ODAD2: variants seen among roughly 807,000 people sequenced by gnomAD.
The protein encoded by ODAD2 is outer dynein arm-docking complex subunit 2.
In ODAD2, 89 loss-of-function variants were observed where a neutral mutation model predicts 106.8. The observed-to-expected ratio is 0.83, with a 90% CI of 0.70 to 0.99. ODAD2 has a LOEUF of 0.99. ODAD2 is among the 50% of genes least tolerant of loss of function. The probability of loss-of-function intolerance (pLI) is 0.00; values close to 1 mark genes in which losing one functional copy is unlikely to be tolerated. For missense variants in ODAD2, 1,168 were observed against 1,238.5 expected (o/e 0.94, Z 0.85); for synonymous variants, 404 against 436.2 (o/e 0.93, Z 0.92).
chr10:27,944,948 T>C lies in ODAD2; in HGVS notation c.1401A>G (p.Thr467=). Residue 467 remains threonine, a synonymous_variant, in exon 11 of 20, where the codon ACA becomes ACG. Transcript: ENST00000305242. The part of the protein sequence containing the change: ...LVKYLKGGNQ[T]ATVIALCSMR... The stretch of plus-strand genomic sequence containing the variant: ...TTGAACACAACGCAATCACTGTAGC[T>C]GTTTGATTTCCTCCCTACAAAGATG... 1.2e-6 allele frequency: 2 copies of C among 1,614,164 alleles called. No homozygotes were observed. The highest frequency in any genetic ancestry group is 2.2e-5 in the South Asian group (2 of 91,074).
In ODAD2 at chr10:27,859,346, T is replaced by C. The variant is rs115476225; in HGVS notation, c.3021+1279A>G. ...TAAAAACAGATTTATAATGGAAAGG[T>C]TGACACATTCAAACATATATTGAGT... On this transcript the variant is annotated intron_variant, in intron 19 of 19. Coordinates refer to ENST00000305242, the MANE Select transcript of ODAD2 (RefSeq NM_018076.5). 7.9e-3 allele frequency among the ~76,000 whole-genome samples: 1,197 copies of C among 152,284 alleles called. 13 individuals carry two copies. Among genetic ancestry groups the C allele is most frequent in the African/African-American group, 0.027 (1,140 of 41,568 alleles).
chr10:27,925,176 A>G (rs377050064), intron 16 of ODAD2, among the ~76,000 whole-genome samples: 2 of 152,110 alleles, frequency 1.3e-5, no homozygotes, highest in South Asian at 2.1e-4. Context: ...AAAACAGTAC[A>G]CTATGACTAA....
intron 17 of ODAD2, among the ~76,000 whole-genome samples, chr10:27,895,461 T>G (rs939772647): frequency 3.9e-5 from 6 of 152,188 alleles, no homozygotes; most frequent in Non-Finnish European, 8.8e-5. Context: ...CTAATTTTTG[T>G]ATTTTTAGTA....
chr10:27,868,488 G>T (rs1394570163), intron 17 of ODAD2, among the ~76,000 whole-genome samples: 1 of 152,078 alleles, frequency 6.6e-6, no homozygotes, highest in Non-Finnish European at 1.5e-5. Context: ...ACACCATGGA[G>T]TATTATGCAG....
chr10:27,936,330 T>A (rs57483828), intron 15 of ODAD2, among the ~76,000 whole-genome samples: 2 of 152,138 alleles, frequency 1.3e-5, no homozygotes, highest in Non-Finnish European at 2.9e-5. Flanking sequence ...TGACATTTAG[T>A]TGATTCATCT....
chr10:27,832,505 C>T (rs1589775413), intron 19 of ODAD2, among the ~76,000 whole-genome samples: 1 of 151,940 alleles, frequency 6.6e-6, no homozygotes, highest in South Asian at 2.1e-4. Flanking sequence ...CTCAACTTTC[C>T]CCCCACCCAT....
At chr10:27,839,436 G>A (rs555310272) in intron 19 of ODAD2, among the ~76,000 whole-genome samples, 1 of 152,302 alleles carries the variant, frequency 6.6e-6, no homozygotes, top group South Asian at 2.1e-4. Flanking sequence ...AAAAGCAAAA[G>A]ATGAGGGGTG....
intron 19 of ODAD2, among the ~76,000 whole-genome samples, chr10:27,818,800 A>G (rs1276258250): frequency 6.6e-6 from 1 of 152,156 alleles, no homozygotes; most frequent in Non-Finnish European, 1.5e-5. Context: ...GAAAGAAGTG[A>G]AATAAAGTCC....
chr10:27,876,232 C>A (rs924504432), intron 17 of ODAD2, among the ~76,000 whole-genome samples: 1 of 152,136 alleles, frequency 6.6e-6, no homozygotes, highest in African/African-American at 2.4e-5. Flanking sequence ...GATCTGAGAA[C>A]GGACAGACTG....
rs553623329 is a variant in ODAD2, at chr10:27,860,803, C to T, written c.2843G>A (p.Arg948His). ...TCTATTCCTGCCCCACATACAGCAA[C>T]GTGAAATAGCTTCTGCTAGATGATG... ...LRHHLAEAIS[R>H]CCMWGRNRVA... is the part of the protein sequence containing the mutation. Residue 948 changes from arginine (R) to histidine (H), a missense_variant, in exon 19 of 20, where the codon CGT becomes CAT. Around this residue, in one of 3 missense-constraint regions of ODAD2, gnomAD observed 701 missense variants for 712.3 expected, o/e 0.98. Transcript: ENST00000305242. 21 of 1,614,128 alleles carry T rather than the reference C, an allele frequency of 1.3e-5. No individual in the cohort carries two copies. The highest frequency in any genetic ancestry group is 6.6e-5 in the South Asian group (6 of 91,080).
intron 19 of ODAD2, among the ~76,000 whole-genome samples, chr10:27,860,302 A>C (rs1003264602): frequency 6.6e-6 from 1 of 151,994 alleles, no homozygotes; most frequent in African/African-American, 2.4e-5. Flanking sequence ...AAATTAAAAG[A>C]ATTAGCCAGG....
At chr10:27,904,846 A>C (rs1261671579) in intron 17 of ODAD2, among the ~76,000 whole-genome samples, 1 of 152,260 alleles carries the variant, frequency 6.6e-6, no homozygotes, top group Non-Finnish European at 1.5e-5. Context: ...GGGAATGGGC[A>C]TCTTGATGAT....
At chr10:27,926,320 C>T (rs1170222084) in intron 16 of ODAD2, among the ~76,000 whole-genome samples, 3 of 151,076 alleles carry the variant, frequency 2.0e-5, no homozygotes, top group East Asian at 1.9e-4. Flanking sequence ...TGTAAAGTAG[C>T]GGGATATAGA....
Position 27,971,331 on chromosome 10 carries a change from G to C in ODAD2, c.937-18C>G. ...CTAATTCCCTTTATTTAAAAAATGA[G>C]AATAATTTTTAATGATATCTGAATT... On this transcript the variant is annotated intron_variant, in intron 7 of 19. Transcript: ENST00000305242. 1 of 1,559,206 alleles carries C rather than the reference G, an allele frequency of 6.4e-7. No individual in the cohort carries two copies. Among genetic ancestry groups the C allele is most frequent in the Non-Finnish European group, 8.7e-7 (1 of 1,153,158 alleles).
At chr10:27,847,047 G>T (rs1838826023) in intron 19 of ODAD2, among the ~76,000 whole-genome samples, 1 of 152,164 alleles carries the variant, frequency 6.6e-6, no homozygotes, top group South Asian at 2.1e-4. Flanking sequence ...AATAGAAAAA[G>T]AGGGAATCCT....
At position 27,827,379 on chromosome 10, in the gene ODAD2, C is replaced by CTATATATATATATATA. The variant is rs10580710; in HGVS notation, c.3022-14770_3022-14755dup. Among the ~76,000 whole-genome samples, 73 of 132,428 alleles carry CTATATATATATATATA rather than the reference C, an allele frequency of 5.5e-4. 1 individual carries two copies. The highest frequency in any genetic ancestry group is 3.9e-3 in the Middle Eastern group (1 of 254). The allele number at this position is 132,428 out of a possible 152,430, so 86.9% of individuals were successfully genotyped here. ...AGACACACACATACACACACACACA[C>CTATATATATATATATA]TATATATATATATATATATATATAT... On this transcript the variant is annotated intron_variant, in intron 19 of 19. Transcript: ENST00000305242.
At position 27,940,823 on chromosome 10, in the gene ODAD2, T is replaced by G. The variant is rs1248172976; in HGVS notation, c.1744-18A>C. ...AGAGCAACCTATAATAATAGATAAA[T>G]CCAATGTTCATGGAAATCTTAAAAA... On this transcript the variant is annotated intron_variant, in intron 12 of 19. Coordinates refer to ENST00000305242, the MANE Select transcript of ODAD2 (RefSeq NM_018076.5). 6.2e-7 allele frequency: 1 copy of G among 1,604,280 alleles called. No homozygotes were observed. The highest frequency in any genetic ancestry group is 1.1e-5 in the South Asian group (1 of 90,514).
rs1839660327 is a variant in ODAD2 at position 27,856,468 on chromosome 10, T to C, written c.3021+4157A>G. Reference sequence around the variant, plus strand: ...TCCAGTCTAGTCTGACAGCTCTTCCTAGTTTACATGCCCCAAAAGTGAAAA... The same window carrying C: ...TCCAGTCTAGTCTGACAGCTCTTCCCAGTTTACATGCCCCAAAAGTGAAAA... On this transcript the variant is annotated intron_variant, in intron 19 of 19. Coordinates refer to ENST00000305242, the MANE Select transcript of ODAD2 (RefSeq NM_018076.5). 2.0e-5 allele frequency among the ~76,000 whole-genome samples: 3 copies of C among 152,216 alleles called. No individual in the cohort carries two copies. The South Asian group carries it at 6.2e-4, about 32-fold the overall frequency.
rs748577492 is a variant in ODAD2 at position 27,862,562 on chromosome 10, T to G, written c.2671A>C (p.Lys891Gln). ...GCCAGAACTTCTTTGTTATCTGATT[T>G]CAGTAAATTGACAATAAGTTCCAAA... Reference protein sequence around the residue: ...GGLELIVNLLKSDNKEVLASV... With the variant: ...GGLELIVNLLQSDNKEVLASV... Residue 891 changes from lysine (K) to glutamine (Q), a missense_variant, in exon 18 of 20, where the codon AAA becomes CAA. Physicochemically the swap from Lys to Gln is moderately conservative, Grantham distance 53. Around this residue, in one of 3 missense-constraint regions of ODAD2, gnomAD observed 701 missense variants for 712.3 expected, o/e 0.98. Coordinates refer to ENST00000305242, the MANE Select transcript of ODAD2 (RefSeq NM_018076.5). 2.5e-6 allele frequency: 4 copies of G among 1,611,880 alleles called. No homozygotes were observed. In the East Asian group the frequency reaches 6.7e-5, roughly 27 times the overall value.
Sources: allele counts gnomAD v4.1 joint callset (sites outside exome capture counted in the v4.1 genomes callset), GRCh38; gene constraint gnomAD v4.1.1; regional missense constraint gnomAD v4.1.1; transcripts MANE v1.5; gene names NCBI Gene and HGNC (gene_info 2026-07-23, HGNC 2026-07-21).